Variants in RNF169 observed in about 807,000 individuals in gnomAD.
RNF169 encodes ring finger protein 169.
In RNF169, 24 loss-of-function variants were observed where a neutral mutation model predicts 53.9. That is an observed-to-expected ratio of 0.45 (90% confidence interval 0.32 to 0.63). The LOEUF is 0.63. RNF169 is among the 20% of genes least tolerant of loss of function. The probability of loss-of-function intolerance (pLI) is 0.04; values close to 1 mark genes in which losing one functional copy is unlikely to be tolerated. For synonymous variants in RNF169, 396 were observed against 363.5 expected (o/e 1.09, Z -1.02); for missense variants, 883 against 906.2 (o/e 0.97, Z 0.33).
At chr11:74,786,184 C>G (rs988103709) in intron 1 of RNF169, among the ~76,000 whole-genome samples, 8 of 151,288 alleles carry the variant, frequency 5.3e-5, no homozygotes, top group African/African-American at 1.7e-4. Context: ...TGTGATCTGC[C>G]TGTCTTGGCC....
At chr11:74,799,809 G>A (rs1267693034) in intron 2 of RNF169, among the ~76,000 whole-genome samples, 2 of 151,536 alleles carry the variant, frequency 1.3e-5, no homozygotes, top group African/African-American at 4.8e-5. Flanking sequence ...AAACCTTCAG[G>A]TTATCAAAAA....
chr11:74,805,747 A>G (rs2035794521), intron 2 of RNF169, among the ~76,000 whole-genome samples: 1 of 152,168 alleles, frequency 6.6e-6, no homozygotes, highest in African/African-American at 2.4e-5. Flanking sequence ...TGACCATTGA[A>G]TAAGAGAGAT....
chr11:74,761,183 T>G (rs2035075511), intron 1 of RNF169, among the ~76,000 whole-genome samples: 1 of 138,562 alleles, frequency 7.2e-6, no homozygotes, highest in Non-Finnish European at 1.6e-5. Context: ...CCTCCATCCT[T>G]TTATTTTGAG....
At chr11:74,793,036 T>C (rs1006205028) in intron 2 of RNF169, among the ~76,000 whole-genome samples, 1 of 152,214 alleles carries the variant, frequency 6.6e-6, no homozygotes, top group Non-Finnish European at 1.5e-5. Context: ...TACAATGGCA[T>C]ACTATTCAGC....
At chr11:74,821,213 T>G (rs890043231) in intron 4 of RNF169, among the ~76,000 whole-genome samples, 2 of 152,184 alleles carry the variant, frequency 1.3e-5, no homozygotes, top group Non-Finnish European at 2.9e-5. Flanking sequence ...ATTTATACCC[T>G]CCATTGTTCC....
chr11:74,774,259 T>G (rs2035299408), intron 1 of RNF169, among the ~76,000 whole-genome samples: 1 of 151,274 alleles, frequency 6.6e-6, no homozygotes, highest in South Asian at 2.1e-4. Flanking sequence ...GGCAGCAGGA[T>G]CGCTTGAACC....
intron 1 of RNF169, among the ~76,000 whole-genome samples, chr11:74,770,043 C>T (rs1244345708): frequency 6.6e-6 from 1 of 152,222 alleles, no homozygotes. Context: ...CCTCCTGCCT[C>T]AGTCTCTCAA....
chr11:74,833,558 T>C (rs1037658411), intron 4 of RNF169, among the ~76,000 whole-genome samples: 1 of 152,210 alleles, frequency 6.6e-6, no homozygotes, highest in African/African-American at 2.4e-5. Context: ...CATACTTTTT[T>C]TTGTTGTGCC....
chr11:74,808,559 A>G (rs1160223868), intron 2 of RNF169, among the ~76,000 whole-genome samples: 1 of 152,224 alleles, frequency 6.6e-6, no homozygotes, highest in Non-Finnish European at 1.5e-5. Context: ...CCCCATGCCT[A>G]TGGCAGTGTG....
intron 4 of RNF169, among the ~76,000 whole-genome samples, chr11:74,828,821 C>T (rs1014020602): frequency 1.3e-5 from 2 of 152,018 alleles, no homozygotes; most frequent in Admixed American, 6.6e-5. Context: ...TTCCTTACAC[C>T]ATATAAAAAA....
chr11:74,754,641 G>A (rs2034952437), intron 1 of RNF169, among the ~76,000 whole-genome samples: 1 of 152,036 alleles, frequency 6.6e-6, no homozygotes, highest in South Asian at 2.1e-4. Flanking sequence ...GCCAACATGG[G>A]GAAACCCTGT....
At chr11:74,764,925 A>G (rs1007617847) in intron 1 of RNF169, among the ~76,000 whole-genome samples, 1 of 152,218 alleles carries the variant, frequency 6.6e-6, no homozygotes, top group Non-Finnish European at 1.5e-5. Flanking sequence ...TTAAACATTT[A>G]CAGGTAGACT....
chr11:74,824,470 C>T (rs2036063659), intron 4 of RNF169, among the ~76,000 whole-genome samples: 1 of 152,060 alleles, frequency 6.6e-6, no homozygotes. Flanking sequence ...TGAGCAAACA[C>T]TAATCAAATT....
chr11:74,782,599 C>G (rs1184610627), intron 1 of RNF169, among the ~76,000 whole-genome samples: 1 of 152,160 alleles, frequency 6.6e-6, no homozygotes, highest in Non-Finnish European at 1.5e-5. Context: ...GCCAGAAAGG[C>G]TGGGGACCAC....
At chr11:74,823,775 G>T (rs2036052484) in intron 4 of RNF169, among the ~76,000 whole-genome samples, 1 of 148,022 alleles carries the variant, frequency 6.8e-6, no homozygotes, top group Non-Finnish European at 1.5e-5. Flanking sequence ...AAGAACACTG[G>T]AATCTTGGCA....
chr11:74,800,637 A>C (rs2035716185), intron 2 of RNF169, among the ~76,000 whole-genome samples: 1 of 152,244 alleles, frequency 6.6e-6, no homozygotes, highest in Non-Finnish European at 1.5e-5. Flanking sequence ...AAAATCTAGC[A>C]CAAAGTAATC....
chr11:74,798,353 CT>C (rs1048151158), intron 2 of RNF169, among the ~76,000 whole-genome samples: 27 of 152,216 alleles, frequency 1.8e-4, no homozygotes, highest in African/African-American at 4.8e-4. Context: ...ACTGGCCCCC[CT>C]GGGCGTGGTC....
intron 4 of RNF169, among the ~76,000 whole-genome samples, chr11:74,828,520 T>C (rs1331252080): frequency 6.6e-6 from 1 of 152,064 alleles, no homozygotes; most frequent in African/African-American, 2.4e-5. Context: ...AAAATTCATA[T>C]GGAACCTGAA....
At chr11:74,749,430 G>T (rs2034849232) in intron 1 of RNF169, 48 bp downstream of exon 1, 1 of 1,218,342 alleles carries the variant, frequency 8.2e-7, no homozygotes, top group Non-Finnish European at 1.0e-6. Flanking sequence ...GGCCGAGCGC[G>T]CCCCGGCCCG....
Sources: allele counts gnomAD v4.1 joint callset (sites outside exome capture counted in the v4.1 genomes callset), GRCh38; gene constraint gnomAD v4.1.1; transcripts MANE v1.5; gene names NCBI Gene and HGNC (gene_info 2026-07-23, HGNC 2026-07-21).